PITPNC1: variants seen among roughly 807,000 people sequenced by gnomAD.
The protein encoded by PITPNC1 is phosphatidylinositol transfer protein cytoplasmic 1.
A neutral mutation model predicts 44.7 loss-of-function variants in PITPNC1; 18 were observed. The ratio of observed to expected loss-of-function variants is 0.40; its 90% confidence interval spans 0.28 to 0.60. PITPNC1 has a LOEUF of 0.60. Ranked by LOEUF, PITPNC1 falls within the 20% of genes least tolerant of loss-of-function variation. PITPNC1 has a pLI of 0.39. For synonymous variants in PITPNC1, 141 were observed against 149.6 expected, an observed-to-expected ratio of 0.94 and a Z score of 0.42; for missense variants, 290 against 418.4, an observed-to-expected ratio of 0.69 and a Z score of 2.68.
rs936653237 is a variant in PITPNC1, at chr17:67,676,729, C to T, written c.682+1187C>T. 4.6e-5 allele frequency among the ~76,000 whole-genome samples: 7 copies of T among 151,978 alleles called. No individual in the cohort carries two copies. The highest frequency in any genetic ancestry group is 2.1e-4 in the South Asian group (1 of 4,820). On this transcript the variant is annotated intron_variant, in intron 8 of 8. Coordinates refer to ENST00000581322, the MANE Select transcript of PITPNC1 (RefSeq NM_012417.4). This position sits in a 1 kb window ranked among gnomAD's most constrained non-coding sequence, Gnocchi z 4.0. ...TACCAAAGTAAAAGGACACGTTAGA[C>T]GGAAGGGGCAAAGACAGTCATTATT...
chr17:67,445,843 C>T (rs77132025), intron 1 of PITPNC1, among the ~76,000 whole-genome samples: 7 of 152,202 alleles, frequency 4.6e-5, no homozygotes, highest in African/African-American at 1.7e-4. Context: ...GTCTTTTGAA[C>T]TGTGCATAAA....
At chr17:67,410,057 CATACTT>C (rs1444789551) in intron 1 of PITPNC1, among the ~76,000 whole-genome samples, 1 of 152,178 alleles carries the variant, frequency 6.6e-6, no homozygotes, top group Non-Finnish European at 1.5e-5. Flanking sequence ...AAGCGATTGT[CATACTT>C]ATGCTTCTAT....
intron 1 of PITPNC1, among the ~76,000 whole-genome samples, chr17:67,453,526 C>T (rs898539686): frequency 2.8e-4 from 42 of 152,140 alleles, no homozygotes; most frequent in African/African-American, 9.2e-4. Context: ...CCCCTCTGCC[C>T]TCTTTCTTTG....
intron 5 of PITPNC1, among the ~76,000 whole-genome samples, chr17:67,629,201 A>C (rs1179491698): frequency 8.7e-6 from 1 of 115,406 alleles, no homozygotes; most frequent in Non-Finnish European, 1.8e-5. Context: ...TACTTTTGTA[A>C]TTTACTCTCT....
chr17:67,512,514 A>C (rs868689884), intron 1 of PITPNC1, among the ~76,000 whole-genome samples: 10 of 151,366 alleles, frequency 6.6e-5, no homozygotes, highest in South Asian at 2.1e-4. Context: ...AAAAAAAAAA[A>C]AAAAAAAAAC....
intron 5 of PITPNC1, among the ~76,000 whole-genome samples, chr17:67,630,483 G>T (rs1342552339): frequency 3.3e-5 from 5 of 152,098 alleles, no homozygotes; most frequent in Non-Finnish European, 5.9e-5. Context: ...GCCGGGCTTG[G>T]TGGTGGGCAC....
rs185946306 is a variant in PITPNC1 at position 67,579,060 on chromosome 17, C to T, written c.366+803C>T. On this transcript the variant is annotated intron_variant, in intron 5 of 8. Coordinates refer to ENST00000581322, the MANE Select transcript of PITPNC1 (RefSeq NM_012417.4). ...GCATGCATGCTTACTTACACACATG[C>T]GGTGTATGTATACACCCACACATCC... Among the ~76,000 whole-genome samples, 813 of 152,340 alleles carry T rather than the reference C, an allele frequency of 5.3e-3. 19 individuals are homozygous for T. Among genetic ancestry groups the T allele is most frequent in the Admixed American group, 0.04 (618 of 15,306 alleles).
At chr17:67,430,544 T>C (rs777861965) in intron 1 of PITPNC1, among the ~76,000 whole-genome samples, 1 of 151,992 alleles carries the variant, frequency 6.6e-6, no homozygotes, top group Non-Finnish European at 1.5e-5. Context: ...CTCATGCCTA[T>C]AATCCCAGTG....
At chr17:67,440,373 C>G (rs1028403243) in intron 1 of PITPNC1, among the ~76,000 whole-genome samples, 1 of 152,212 alleles carries the variant, frequency 6.6e-6, no homozygotes, top group South Asian at 2.1e-4. Context: ...GCTAGTCCCT[C>G]TAAGCCTTCG....
chr17:67,497,338 G>T (rs544414561), intron 1 of PITPNC1, among the ~76,000 whole-genome samples: 1 of 151,842 alleles, frequency 6.6e-6, no homozygotes. Context: ...GAGTAGCTGG[G>T]ATTAAAGCTT....
intron 1 of PITPNC1, among the ~76,000 whole-genome samples, chr17:67,431,387 CCT>C (rs1481783337): frequency 2.0e-5 from 3 of 152,022 alleles, no homozygotes; most frequent in East Asian, 1.9e-4. Context: ...CGGCTTTCCC[CCT>C]CTTTCTGCGT....
chr17:67,552,385 G>C, intron 3 of PITPNC1, 40 bp downstream of exon 3: 1 of 980,780 alleles, frequency 1.0e-6, no homozygotes, highest in Non-Finnish European at 1.7e-6. Context: ...TGTAGTGAGT[G>C]CAAGGACATA....
chr17:67,479,216 A>G (rs2364972), intron 1 of PITPNC1, among the ~76,000 whole-genome samples: 72,800 of 151,844 alleles, frequency 0.48, 17,971 homozygotes, highest in African/African-American at 0.59. Flanking sequence ...CTTTACCAAC[A>G]ATGCTTTGTT....
chr17:67,502,517 G>A (rs1255527564), intron 1 of PITPNC1, among the ~76,000 whole-genome samples: 5 of 152,138 alleles, frequency 3.3e-5, no homozygotes, highest in African/African-American at 1.2e-4. Context: ...TCAATCTATA[G>A]TGGCCACTTG....
intron 5 of PITPNC1, among the ~76,000 whole-genome samples, chr17:67,598,527 G>A (rs12947429): frequency 0.017 from 2,632 of 152,232 alleles, 32 homozygotes; most frequent in Non-Finnish European, 0.024. Flanking sequence ...GGGCCCCAGA[G>A]AGACCCCTTA....
intron 1 of PITPNC1, among the ~76,000 whole-genome samples, chr17:67,384,864 C>T (rs2038018302): frequency 1.3e-5 from 2 of 152,376 alleles, no homozygotes; most frequent in South Asian, 4.1e-4. Flanking sequence ...TTGGATTAAT[C>T]TCACAGACTT....
At chr17:67,388,789 C>T (rs113933622) in intron 1 of PITPNC1, among the ~76,000 whole-genome samples, 2,558 of 150,900 alleles carry the variant, frequency 0.017, 75 homozygotes, top group African/African-American at 0.059. Context: ...CCTGGCTGGT[C>T]TTGTATTTTT....
Position 67,692,655 on chromosome 17 carries a change from A to T in PITPNC1, c.766A>T (p.Ile256Phe), listed in dbSNP as rs542169883. ...NKKIGIFPPA[I>F]SISSIPLLPS... ...GAAAATCGGCATTTTCCCACCTGCA[A>T]TTTCTATCTCCAGCATCCCCCTGCT... The change falls in exon 9 of 9, where the codon ATT becomes TTT. Residue 256 changes from isoleucine to phenylalanine, a missense_variant. Coordinates refer to ENST00000581322, the MANE Select transcript of PITPNC1 (RefSeq NM_012417.4). 1 of 1,613,562 alleles carries T rather than the reference A, an allele frequency of 6.2e-7. No individual in the cohort carries two copies. The highest frequency in any genetic ancestry group is 1.3e-5 in the African/African-American group (1 of 74,940).
chr17:67,576,113 G>C (rs1466198148), intron 4 of PITPNC1, among the ~76,000 whole-genome samples: 4 of 151,964 alleles, frequency 2.6e-5, no homozygotes, highest in Non-Finnish European at 5.9e-5. Flanking sequence ...CTGACCTCAG[G>C]TGATATGCCT....
Sources: allele counts gnomAD v4.1 joint callset (sites outside exome capture counted in the v4.1 genomes callset), GRCh38; gene constraint gnomAD v4.1.1; non-coding constraint Gnocchi (gnomAD v3.1); transcripts MANE v1.5; gene names NCBI Gene and HGNC (gene_info 2026-07-23, HGNC 2026-07-21).